The following PI4KA variants were observed in gnomAD, a reference collection of about 807,000 sequenced individuals.
The protein encoded by PI4KA is phosphatidylinositol 4-kinase alpha.
A neutral mutation model predicts 271.4 loss-of-function variants in PI4KA; 122 were observed. The ratio of observed to expected loss-of-function variants is 0.45; its 90% CI spans 0.39 to 0.52. PI4KA has a LOEUF of 0.52. PI4KA is among the 20% of genes least tolerant of loss of function. PI4KA has a pLI of 0.00. For missense variants in PI4KA, 1,969 were observed against 2,769.1 expected, an observed-to-expected ratio of 0.71 and a Z score of 6.48; for synonymous variants, 1,041 against 1,078.8, an observed-to-expected ratio of 0.96 and a Z score of 0.69.
At chr22:20,724,644 T>C (rs1358362310) in intron 42 of PI4KA, among the ~76,000 whole-genome samples, 1 of 151,592 alleles carries the variant, frequency 6.6e-6, no homozygotes, top group African/African-American at 2.4e-5. Context: ...TCCCTAAAAA[T>C]GGAAAGCAAG....
intron 19 of PI4KA, among the ~76,000 whole-genome samples, chr22:20,782,713 A>G (rs1349711840): frequency 2.6e-5 from 4 of 152,174 alleles, no homozygotes; most frequent in Non-Finnish European, 4.4e-5. Flanking sequence ...GGTTGGAGTA[A>G]GCATTACTGG....
intron 42 of PI4KA, among the ~76,000 whole-genome samples, chr22:20,723,492 G>C (rs1926987707): frequency 6.6e-6 from 1 of 151,546 alleles, no homozygotes; most frequent in African/African-American, 2.4e-5. Flanking sequence ...GAGGTCAGGA[G>C]TTTGACACCA....
At chr22:20,763,018 G>GGGC (rs1555888540) in intron 22 of PI4KA, among the ~76,000 whole-genome samples, 2 of 48,964 alleles carry the variant, frequency 4.1e-5, no homozygotes, top group Admixed American at 2.3e-4. Context: ...TTTTTTTTTT[G>GGGC]GGGGGGGGGG....
At chr22:20,793,453 TTACA>T in intron 18 of PI4KA, 1 of 478,198 alleles carries the variant, frequency 2.1e-6, no homozygotes, top group South Asian at 2.9e-5. Flanking sequence ...TAAACCATGG[TTACA>T]TAAATGATTA....
chr22:20,740,387 A>G (rs1435641768), intron 32 of PI4KA, among the ~76,000 whole-genome samples: 4 of 151,710 alleles, frequency 2.6e-5, no homozygotes, highest in Non-Finnish European at 4.4e-5. Flanking sequence ...CCTGGAATCC[A>G]AAAAGGAGAA....
intron 39 of PI4KA, 99 bp downstream of exon 39, chr22:20,729,214 G>T: frequency 1.0e-6 from 1 of 971,116 alleles, no homozygotes; most frequent in Non-Finnish European, 1.5e-6. Flanking sequence ...CTTGAAAGGG[G>T]CTGCAGGGCA....
In PI4KA at chr22:20,745,691, T is replaced by G. The variant is rs145265318; in HGVS notation, c.3364-971A>C. ...GCACCAAGCAGGACTGAGTTAGAGCTTGGCTCTGATACTAATCAGCTGTGA... is the reference window on the plus strand; with the variant it reads ...GCACCAAGCAGGACTGAGTTAGAGCGTGGCTCTGATACTAATCAGCTGTGA... On this transcript the variant is annotated intron_variant, in intron 29 of 54. Transcript: ENST00000255882. 2.9e-3 allele frequency among the ~76,000 whole-genome samples: 448 copies of G among 152,310 alleles called. 1 individual carries two copies. The highest frequency in any genetic ancestry group is 0.01 in the African/African-American group (436 of 41,554).
At chr22:20,811,771 T>C (rs931944877) in intron 8 of PI4KA, among the ~76,000 whole-genome samples, 1 of 151,942 alleles carries the variant, frequency 6.6e-6, no homozygotes, top group African/African-American at 2.4e-5. Flanking sequence ...CCCAGCACTT[T>C]AGGAGGCCGA....
At chr22:20,821,361 G>A (rs1922632998) in intron 4 of PI4KA, among the ~76,000 whole-genome samples, 1 of 152,034 alleles carries the variant, frequency 6.6e-6, no homozygotes, top group South Asian at 2.1e-4. Flanking sequence ...TAAGATTACA[G>A]GTGCATGCCA....
In PI4KA at chr22:20,858,645, C is replaced by T; in HGVS notation, c.81G>A (p.Ser27=). The change falls in exon 1 of 55, where the codon TCG becomes TCA. Residue 27 remains serine, a synonymous_variant. Coordinates refer to ENST00000255882, the MANE Select transcript of PI4KA (RefSeq NM_058004.4). ...GGACCGTGTTGAAATAGAAGCCCCGCGAGGCGCTGGAGCCGGAGCCGGAGC... is the reference window on the plus strand; with the variant it reads ...GGACCGTGTTGAAATAGAAGCCCCGTGAGGCGCTGGAGCCGGAGCCGGAGC... ...GGCSGSGSSA[S]RGFYFNTVLS... 1.3e-6 allele frequency: 2 copies of T among 1,485,012 alleles called. No individual in the cohort carries two copies. Among genetic ancestry groups the T allele is most frequent in the Middle Eastern group, 2.1e-4 (1 of 4,824 alleles). The allele number at this position is 1,485,012 out of a possible 1,614,324, so 92.0% of individuals were successfully genotyped here. A position where few individuals can be genotyped will look rare whatever the true frequency, so the allele number is the denominator to read the frequency against.
At chr22:20,711,843 C>G (rs938182363) in intron 50 of PI4KA, among the ~76,000 whole-genome samples, 37 of 151,644 alleles carry the variant, frequency 2.4e-4, no homozygotes, top group African/African-American at 8.5e-4. Flanking sequence ...CTCCTGGGTT[C>G]AAGAGATTCT....
At chr22:20,825,247 G>A (rs1483918943) in intron 3 of PI4KA, among the ~76,000 whole-genome samples, 7 of 151,886 alleles carry the variant, frequency 4.6e-5, no homozygotes, top group Non-Finnish European at 8.8e-5. Flanking sequence ...GCCCATGCCC[G>A]GCCTAAAATT....
intron 15 of PI4KA, 76 bp downstream of exon 15, chr22:20,799,595 C>A (rs12158404): frequency 2.0e-6 from 2 of 987,568 alleles, no homozygotes; most frequent in African/African-American, 1.6e-5. Flanking sequence ...GGCATGCATA[C>A]GCACAATGCC....
intron 1 of PI4KA, among the ~76,000 whole-genome samples, chr22:20,855,335 T>G (rs1569106402): frequency 7.2e-5 from 11 of 152,130 alleles, no homozygotes. Context: ...GTTACATATG[T>G]ATACATGTGC....
chr22:20,709,569 C>T (rs1157490319), intron 53 of PI4KA, 190 bp from the exon 54 acceptor site: 1 of 611,150 alleles, frequency 1.6e-6, no homozygotes, highest in Non-Finnish European at 3.0e-6. Context: ...GGCCCTGTCC[C>T]CTTCCCAGCA....
intron 36 of PI4KA, 24 bp from the exon 37 acceptor site, chr22:20,730,035 T>C (rs1488120368): frequency 6.2e-7 from 1 of 1,612,010 alleles, no homozygotes; most frequent in African/African-American, 1.3e-5. Context: ...CATTGTTGAT[T>C]CTAGAGTGAG....
rs762059131 is a variant in PI4KA, at chr22:20,727,445, TC to T, written c.4774-49del. 6 of 1,512,764 alleles carry T rather than the reference TC, an allele frequency of 4.0e-6. No homozygotes were observed. In the African/African-American group the frequency reaches 7.0e-5, roughly 18 times the overall value. 93.7% of individuals were successfully genotyped at this position (1,512,764 alleles called of 1,614,324 possible). A position where few individuals can be genotyped will look rare whatever the true frequency, so the allele number is the denominator to read the frequency against. On this transcript the variant is annotated intron_variant, in intron 40 of 54. Transcript: ENST00000255882. ...CTGTGGCTTGGGCAGTCCCGGGACC[TC>T]TGGAAATACCTGGTCCACGGGCCAC...
At chr22:20,784,350 G>C in intron 19 of PI4KA, 1 of 1,489,028 alleles carries the variant, frequency 6.7e-7, no homozygotes, top group Non-Finnish European at 9.2e-7. Context: ...TTATGTACAA[G>C]TACCCAAGAA....
chr22:20,813,269 C>A, intron 8 of PI4KA, 89 bp downstream of exon 8: 1 of 973,494 alleles, frequency 1.0e-6, no homozygotes, highest in South Asian at 1.5e-5. Context: ...TACTGGTACT[C>A]TGAGTTTTTC....
Sources: allele counts gnomAD v4.1 joint callset (sites outside exome capture counted in the v4.1 genomes callset), GRCh38; gene constraint gnomAD v4.1.1; transcripts MANE v1.5; gene names NCBI Gene and HGNC (gene_info 2026-07-23, HGNC 2026-07-21).